The following SLC2A5 variants were observed in gnomAD, a reference collection of about 807,000 sequenced individuals.
SLC2A5 encodes the protein solute carrier family 2, facilitated glucose transporter member 5.
A neutral mutation model predicts 50.3 loss-of-function variants in SLC2A5; 56 were observed. The ratio of observed to expected loss-of-function variants is 1.11; its 90% CI spans 0.90 to 1.39. The LOEUF (loss-of-function observed/expected upper bound fraction) is 1.39. Ranked by LOEUF, SLC2A5 falls within the 40% of genes most tolerant of loss-of-function variation. The probability of loss-of-function intolerance (pLI) is 0.00; values close to 1 mark genes in which losing one functional copy is unlikely to be tolerated. For synonymous variants in SLC2A5, 269 were observed against 281.9 expected (o/e 0.95, Z 0.46); for missense variants, 566 against 650.1 (o/e 0.87, Z 1.41).
Position 9,037,555 on chromosome 1 carries a change from C to A in SLC2A5, c.*31G>T. On this transcript the variant is annotated 3_prime_UTR_variant, in exon 12 of 12. Transcript: ENST00000377424. ...ATAAGCCAAAGTGGGAAGCCCCTGG[C>A]AGACCAGCTCCACTGGCTTCCTCTC... 1 of 1,592,532 alleles carries A rather than the reference C, an allele frequency of 6.3e-7. No homozygotes were observed. Among genetic ancestry groups the A allele is most frequent in the Non-Finnish European group, 8.6e-7 (1 of 1,161,244 alleles).
At chr1:9,070,547 G>C (rs1481136355), upstream of SLC2A5, among the ~76,000 whole-genome samples, 5 of 152,098 alleles carry the variant, frequency 3.3e-5, no homozygotes, top group Admixed American at 2.0e-4. Flanking sequence ...CCAGGCCACT[G>C]TCAGCCCCCC....
chr1:9,064,010 T>C (rs1428510348), intron 1 of SLC2A5, among the ~76,000 whole-genome samples: 2 of 151,890 alleles, frequency 1.3e-5, no homozygotes, highest in African/African-American at 4.8e-5. Context: ...ACATTTTTTA[T>C]AGAGACAGGG....
upstream of SLC2A5, chr1:9,088,492 A>T (rs1642426082): frequency 6.6e-6 from 1 of 152,132 alleles, no homozygotes; most frequent in Non-Finnish European, 1.5e-5. Context: ...CCCACTCAAA[A>T]ACTACTTCAA....
chr1:9,088,568 G>T (rs151188339), upstream of SLC2A5: 1 of 152,372 alleles, frequency 6.6e-6, no homozygotes, highest in African/African-American at 2.4e-5. Flanking sequence ...GGATCACGAG[G>T]TCAGGAGATT....
At chr1:9,042,787 C>CA (rs1471822148) in intron 4 of SLC2A5, among the ~76,000 whole-genome samples, 1 of 151,902 alleles carries the variant, frequency 6.6e-6, no homozygotes, top group Admixed American at 6.6e-5. Flanking sequence ...GTAAATAAAC[C>CA]AATGCAGAGA....
chr1:9,058,518 G>T (rs1021142016), intron 1 of SLC2A5, among the ~76,000 whole-genome samples: 1 of 152,194 alleles, frequency 6.6e-6, no homozygotes, highest in Non-Finnish European at 1.5e-5. Flanking sequence ...CATGGTGCCA[G>T]TAGCACCCCT....
rs13306771 is a variant in SLC2A5, at chr1:9,057,518, C to G, written c.223G>C (p.Val75Leu). ...FPLTLLWSVT[V>L]SMFPFGGFIG... ...AACCCTCCAAATGGAAACATGGACACGGTTACAGACCACAGCAACGTCAAG... is the reference window on the plus strand; with the variant it reads ...AACCCTCCAAATGGAAACATGGACAGGGTTACAGACCACAGCAACGTCAAG... The change falls in exon 3 of 12, where the codon GTG (valine) becomes CTG (leucine). Residue 75 changes from valine to leucine, a missense_variant. By Grantham distance (32) the Val-to-Leu change is conservative (BLOSUM62 1). Transcript: ENST00000377424. 2 of 1,613,884 alleles carry G rather than the reference C, an allele frequency of 1.2e-6. No individual in the cohort carries two copies. The highest frequency in any genetic ancestry group is 1.7e-6 in the Non-Finnish European group (2 of 1,179,876).
chr1:9,076,339 C>A (rs2124471472), intron 2 of SLC2A5, among the ~76,000 whole-genome samples: 1 of 152,300 alleles, frequency 6.6e-6, no homozygotes, highest in Middle Eastern at 3.4e-3. Context: ...AGAAGTTCCC[C>A]CAGGCGATGG....
At chr1:9,062,441 G>A (rs1282287049) in intron 1 of SLC2A5, among the ~76,000 whole-genome samples, 1 of 152,172 alleles carries the variant, frequency 6.6e-6, no homozygotes, top group East Asian at 1.9e-4. Context: ...GGCCAGTGTG[G>A]CTGGAGCGTG....
intron 1 of SLC2A5, among the ~76,000 whole-genome samples, chr1:9,062,066 T>C (rs972674777): frequency 2.0e-5 from 3 of 152,024 alleles, no homozygotes; most frequent in South Asian, 2.1e-4. Flanking sequence ...CTCCTGGGAG[T>C]AGCAAAGTTA....
chr1:9,057,716 AC>A, intron 2 of SLC2A5, 108 bp from the exon 3 acceptor site: 1 of 903,248 alleles, frequency 1.1e-6, no homozygotes, highest in South Asian at 1.6e-5. Flanking sequence ...ACAGAGACCA[AC>A]CTTATTAACC....
Position 9,047,610 on chromosome 1 carries a change from C to A in SLC2A5, c.418G>T (p.Gly140Cys). The change falls in exon 4 of 12, where the codon GGT becomes TGT. Residue 140 changes from glycine (G) to cysteine (C), a missense_variant and splice_region_variant. Physicochemically the swap from Gly to Cys is radical, Grantham distance 159 (BLOSUM62 -3). Transcript: ENST00000377424. ...ISRLLVGICA[G>C]VSSNVVPMYL... The stretch of plus-strand genomic sequence containing the variant: ...GGCAATACAGCATAGCATTGTTTAC[C>A]TGCACATATTCCCACCAAAAGTCTG... 1 of 1,613,510 alleles carries A rather than the reference C, an allele frequency of 6.2e-7. No homozygotes were observed. Among genetic ancestry groups the A allele is most frequent in the South Asian group, 1.1e-5 (1 of 90,984 alleles).
At position 9,041,848 on chromosome 1, in the gene SLC2A5, T is replaced by C. The variant is rs1641312291; in HGVS notation, c.508A>G (p.Ile170Val). The change falls in exon 5 of 12, where the codon ATC becomes GTC. Residue 170 changes from isoleucine to valine, a missense_variant. Physicochemically the swap from Ile to Val is conservative, Grantham distance 29. Transcript: ENST00000377424. ...GALGVVPQLF[I>V]TVGILVAQIF... Reference sequence around the variant, plus strand: ...TGGGCCACAAGGATGCCAACAGTGATGAAGAGCTGGGGCACCACCCCGAGA... The same window carrying C: ...TGGGCCACAAGGATGCCAACAGTGACGAAGAGCTGGGGCACCACCCCGAGA... 1 of 1,613,862 alleles carries C rather than the reference T, an allele frequency of 6.2e-7. No individual in the cohort carries two copies. Among genetic ancestry groups the C allele is most frequent in the African/African-American group, 1.3e-5 (1 of 74,890 alleles).
Position 9,057,577 on chromosome 1 carries a change from T to TAGTA in SLC2A5, c.160_163dup (p.Tyr55LeufsTer4). 1 of 1,613,280 alleles carries TAGTA rather than the reference T, an allele frequency of 6.2e-7. No homozygotes were observed. Among genetic ancestry groups the TAGTA allele is most frequent in the East Asian group, 2.2e-5 (1 of 44,874 alleles). ...TTCCATGAATTCACCGGTCCTACCA[T>TAGTA]AGTAAGTCTCATTGTAAAATTGTTG... On this transcript the variant is annotated frameshift_variant, in exon 3 of 12. Coordinates refer to ENST00000377424, the MANE Select transcript of SLC2A5 (RefSeq NM_003039.3). LOFTEE classifies it high-confidence loss of function.
chr1:9,082,682 G>A (rs1362025451), intron 2 of SLC2A5: 3 of 235,484 alleles, frequency 1.3e-5, no homozygotes, highest in Non-Finnish European at 2.6e-5. Context: ...TAAATCCATA[G>A]AGAATGCAGA....
chr1:9,092,414 T>C (rs551123073), upstream of SLC2A5, among the ~76,000 whole-genome samples: 4 of 152,292 alleles, frequency 2.6e-5, no homozygotes, highest in South Asian at 4.2e-4. Flanking sequence ...ATTTCTTAAG[T>C]TTCCATATAC....
the SLC2A5 span, among the ~76,000 whole-genome samples, chr1:9,093,716 C>T: frequency 6.9e-4 from 105 of 152,286 alleles, no homozygotes; most frequent in African/African-American, 2.3e-3. Flanking sequence ...CAAACTAGAA[C>T]GCTCTATAAA....
chr1:9,061,667 A>T (rs929923452), intron 1 of SLC2A5, among the ~76,000 whole-genome samples: 1 of 151,880 alleles, frequency 6.6e-6, no homozygotes, highest in Middle Eastern at 3.2e-3. Flanking sequence ...AACCAGCTTC[A>T]TTCACACAGC....
the SLC2A5 span, among the ~76,000 whole-genome samples, chr1:9,093,868 T>C: frequency 1.3e-5 from 2 of 152,086 alleles, no homozygotes; most frequent in Non-Finnish European, 2.9e-5. Flanking sequence ...CCCTAATCTA[T>C]CAACTCCAAA....
Sources: gnomAD v4.1 joint callset for allele counts (sites outside exome capture counted in the v4.1 genomes callset) on GRCh38, gnomAD v4.1.1 for gene constraint, MANE v1.5 for transcripts, NCBI Gene and HGNC (gene_info 2026-07-23, HGNC 2026-07-21) for gene names.